Variants in GATM observed in about 807,000 individuals in gnomAD.
The protein encoded by GATM is glycine amidinotransferase, also known as glycine amidinotransferase, mitochondrial.
In GATM, 23 loss-of-function variants were observed where a neutral mutation model predicts 54.2. That is an observed-to-expected ratio of 0.42 (90% CI 0.31 to 0.60). The LOEUF is 0.60. GATM is among the 20% of genes least tolerant of loss of function. The pLI is 0.14. For synonymous variants in GATM, 168 were observed against 183.1 expected (o/e 0.92, Z 0.67); for missense variants, 401 against 544.9 (o/e 0.74, Z 2.63).
intron 2 of GATM, among the ~76,000 whole-genome samples, chr15:45,371,393 T>C (rs1296790829): frequency 2.6e-5 from 4 of 152,256 alleles, no homozygotes; most frequent in African/African-American, 9.6e-5. Flanking sequence ...TGTTTATTTA[T>C]ATAATTGATG....
chr15:45,365,408 A>G (rs1293926240), intron 6 of GATM, among the ~76,000 whole-genome samples: 1 of 152,266 alleles, frequency 6.6e-6, no homozygotes, highest in Admixed American at 6.5e-5. Flanking sequence ...GAAATGAATA[A>G]GTAGTCATGG....
chr15:45,390,566 T>A (rs929739500), intron 3 of GATM, among the ~76,000 whole-genome samples: 3 of 152,200 alleles, frequency 2.0e-5, no homozygotes, highest in African/African-American at 7.2e-5. Flanking sequence ...CTTCTAGAAC[T>A]TGAGGCTTCT....
At chr15:45,381,759 C>G (rs1237576400), upstream of GATM, among the ~76,000 whole-genome samples, 1 of 152,170 alleles carries the variant, frequency 6.6e-6, no homozygotes, top group Non-Finnish European at 1.5e-5. Flanking sequence ...AAGGATATCT[C>G]TCAAAGTAAA....
chr15:45,383,221 C>G (rs894540101), upstream of GATM, among the ~76,000 whole-genome samples: 3 of 152,200 alleles, frequency 2.0e-5, no homozygotes, highest in Non-Finnish European at 4.4e-5. Flanking sequence ...GTGAAGGCAG[C>G]CTCTGCACTG....
At position 45,366,107 on chromosome 15, in the gene GATM, G is replaced by A; in HGVS notation, c.917C>T (p.Ala306Val). The change falls in exon 6 of 9, where the codon GCT becomes GTT. Residue 306 changes from alanine to valine, a missense_variant. Coordinates refer to ENST00000396659, the MANE Select transcript of GATM (RefSeq NM_001482.3). ...FKDPNPMHID[A>V]TFNIIGPGIV... ...ACCAGGTCCAATGATGTTGAAGGTA[G>A]CATCAATATGCATGGGATTGGGATC... 1 of 1,613,902 alleles carries A rather than the reference G, an allele frequency of 6.2e-7. No homozygotes were observed. The highest frequency in any genetic ancestry group is 8.5e-7 in the Non-Finnish European group (1 of 1,179,790).
At chr15:45,388,210 G>A (rs2140673128) in intron 3 of GATM, among the ~76,000 whole-genome samples, 1 of 152,226 alleles carries the variant, frequency 6.6e-6, no homozygotes, top group South Asian at 2.1e-4. Context: ...TAAACTTGTG[G>A]AAGTCTGTCT....
chr15:45,378,821 G>A (rs922098548), upstream of GATM: 1 of 250,568 alleles, frequency 4.0e-6, no homozygotes, highest in Non-Finnish European at 7.5e-6. Context: ...GGCAGGACGC[G>A]ACTTCTGACG....
chr15:45,373,068 T>C (rs1452341719), intron 2 of GATM, among the ~76,000 whole-genome samples: 3 of 152,258 alleles, frequency 2.0e-5, no homozygotes, highest in Non-Finnish European at 4.4e-5. Context: ...ATACTGTCTT[T>C]GGAAGGCTAA....
At chr15:45,376,941 C>T (rs1205284451) in intron 1 of GATM, 122 bp from the exon 2 acceptor site, 4 of 877,768 alleles carry the variant, frequency 4.6e-6, no homozygotes, top group South Asian at 1.4e-5. Flanking sequence ...TTTAGAACAG[C>T]ATAAACCAAG....
chr15:45,390,932 G>A (rs1889865846), intron 3 of GATM, among the ~76,000 whole-genome samples: 1 of 152,136 alleles, frequency 6.6e-6, no homozygotes, highest in Non-Finnish European at 1.5e-5. Flanking sequence ...ATGCAGATGT[G>A]GAGATCAGAA....
chr15:45,401,860 G>A (rs567986392), intron 1 of GATM: 6 of 152,742 alleles, frequency 3.9e-5, no homozygotes, highest in African/African-American at 1.4e-4. Flanking sequence ...CCCATAGGAA[G>A]GGTTGTGCCT....
intron 7 of GATM, 104 bp from the exon 8 acceptor site, chr15:45,364,120 G>A: frequency 1.3e-6 from 1 of 769,324 alleles, no homozygotes; most frequent in East Asian, 2.4e-5. Flanking sequence ...TCTTTCAGTA[G>A]TTCACTTTCC....
At chr15:45,384,929 A>C (rs956129180) in intron 3 of GATM, among the ~76,000 whole-genome samples, 1 of 152,126 alleles carries the variant, frequency 6.6e-6, no homozygotes, top group Non-Finnish European at 1.5e-5. Flanking sequence ...GCTGGTCTCA[A>C]ACTCCTGGGT....
chr15:45,368,319 G>T lies in GATM; in HGVS notation c.485-59C>A. Reference sequence around the variant, plus strand: ...TAGTGTTAATTTCCAAGACAAAAAAGGTCTATATAGGGCCAGGCACAGTGG... The same window carrying T: ...TAGTGTTAATTTCCAAGACAAAAAATGTCTATATAGGGCCAGGCACAGTGG... On this transcript the variant is annotated intron_variant, in intron 3 of 8. Coordinates refer to ENST00000396659, the MANE Select transcript of GATM (RefSeq NM_001482.3). The surrounding 1 kb of genome is among the most constrained non-coding windows in gnomAD (Gnocchi z 5.1). 3 of 1,468,730 alleles carry T rather than the reference G, an allele frequency of 2.0e-6. No individual in the cohort carries two copies. 91.0% of individuals were successfully genotyped at this position (1,468,730 alleles called of 1,614,324 possible). A position where few individuals can be genotyped will look rare whatever the true frequency, so the allele number is the denominator to read the frequency against.
At chr15:45,396,760 C>T (rs1889936491) in intron 3 of GATM, among the ~76,000 whole-genome samples, 1 of 150,622 alleles carries the variant, frequency 6.6e-6, no homozygotes, top group African/African-American at 2.4e-5. Flanking sequence ...ATCCCAGCTA[C>T]TCGGGAGGCT....
upstream of GATM, chr15:45,379,435 G>C (rs958208596): frequency 1.3e-5 from 2 of 151,936 alleles, no homozygotes; most frequent in Non-Finnish European, 2.9e-5. Flanking sequence ...TTCAATTTTG[G>C]TATCTCAAGC....
intron 2 of GATM, among the ~76,000 whole-genome samples, chr15:45,373,887 AAAG>A (rs1210451713): frequency 3.9e-5 from 6 of 152,232 alleles, no homozygotes; most frequent in African/African-American, 7.2e-5. Flanking sequence ...AGAGAAAGAG[AAAG>A]AAGAATAAAC....
exon 2 of GATM, chr15:45,399,552 T>A (rs147335810): frequency 6.4e-6 from 1 of 155,230 alleles, no homozygotes; most frequent in Non-Finnish European, 1.4e-5. Context: ...TTACCAGTCA[T>A]GGAATCTGCC....
intron 3 of GATM, among the ~76,000 whole-genome samples, chr15:45,392,649 C>A (rs1889885260): frequency 6.6e-6 from 1 of 152,224 alleles, no homozygotes; most frequent in Non-Finnish European, 1.5e-5. Context: ...TGTGGGGCCA[C>A]ATCTTTGTTT....
Sources: gnomAD v4.1 joint callset for allele counts (sites outside exome capture counted in the v4.1 genomes callset) on GRCh38, gnomAD v4.1.1 for gene constraint, Gnocchi (gnomAD v3.1) non-coding constraint, MANE v1.5 for transcripts, NCBI Gene and HGNC (gene_info 2026-07-23, HGNC 2026-07-21) for gene names.